GNL3L: variants seen among roughly 807,000 people sequenced by gnomAD.
GNL3L encodes the protein guanine nucleotide-binding protein-like 3-like protein.
Under a neutral mutation model 42.9 loss-of-function variants are expected in GNL3L, and 4 were observed. The ratio of observed to expected loss-of-function variants is 0.09; its 90% confidence interval spans 0.05 to 0.21. GNL3L has a LOEUF of 0.21. Among genes scored for constraint, GNL3L ranks in the 10% least tolerant of loss-of-function variants. The pLI, the probability that GNL3L is intolerant of heterozygous loss-of-function variation, is 1.00. For missense variants in GNL3L, 412 were observed against 481.7 expected (o/e 0.86, Z 1.36); for synonymous variants, 159 against 176.3 (o/e 0.90, Z 0.78).
intron 16 of GNL3L, among the ~76,000 whole-genome samples, chrX:54,585,985 A>G (rs970427379): frequency 2.7e-5 from 3 of 111,525 alleles, no homozygotes; most frequent in African/African-American, 9.8e-5. Flanking sequence ...GGGCTTCAAG[A>G]TGGCTGATTA....
intron 16 of GNL3L, among the ~76,000 whole-genome samples, chrX:54,604,657 CCAAAAACAAA>C (rs1027799994): frequency 1.8e-5 from 2 of 111,426 alleles, no homozygotes; most frequent in African/African-American, 3.3e-5. Context: ...AAAAACAAAA[CCAAAAACAAA>C]CAAAAACAAA....
At chrX:54,616,195 G>A (rs1926218429) in intron 16 of GNL3L, among the ~76,000 whole-genome samples, 1 of 113,081 alleles carries the variant, frequency 8.8e-6, no homozygotes, top group African/African-American at 3.2e-5. Flanking sequence ...GGCAGTGCCC[G>A]CCATATGGGC....
At chrX:54,541,533 A>T in intron 5 of GNL3L, 144 bp downstream of exon 5, 9 of 242,445 alleles carry the variant, frequency 3.7e-5, no homozygotes, top group East Asian at 1.2e-4. Flanking sequence ...GGACGGACGA[A>T]GGGAGGGAGG....
chrX:54,640,683 A>G, the GNL3L span, among the ~76,000 whole-genome samples: 1,484 of 112,334 alleles, frequency 0.013, 32 homozygotes, highest in African/African-American at 0.046. Context: ...CAGAATTACC[A>G]GGAAAATGTC....
rs969578223 is a variant in GNL3L, at chrX:54,563,105, A to G, written c.*2503A>G. The stretch of plus-strand genomic sequence containing the variant: ...AATAGGCTACAACTTATTTCACACT[A>G]TCTCATTGAACTCTCCTGGTATGTG... On this transcript the variant is annotated 3_prime_UTR_variant, in exon 16 of 16. Transcript: ENST00000360845. 1.8e-5 allele frequency among the ~76,000 whole-genome samples: 2 copies of G among 111,950 alleles called. No individual in the cohort carries two copies. Among genetic ancestry groups the G allele is most frequent in the African/African-American group, 3.2e-5 (1 of 30,819 alleles).
rs938329278 is a variant in GNL3L, at chrX:54,565,085, G to C, written c.*4483G>C. Among the ~76,000 whole-genome samples the C allele has an allele frequency of 8.1e-5, 9 of 111,292 alleles. No homozygotes were observed. Among genetic ancestry groups the C allele is most frequent in the African/African-American group, 2.9e-4 (9 of 30,609 alleles). On this transcript the variant is annotated 3_prime_UTR_variant, in exon 16 of 16. Coordinates refer to ENST00000360845, the MANE Select transcript of GNL3L (RefSeq NM_001184819.2). The stretch of plus-strand genomic sequence containing the variant: ...TTATATACATGAAATTATATGGTAT[G>C]TAGCATTTTGAGAGCGACTTCTTTT...
At chrX:54,641,205 T>C in the GNL3L span, among the ~76,000 whole-genome samples, 1 of 111,146 alleles carries the variant, frequency 9.0e-6, no homozygotes, top group Non-Finnish European at 1.9e-5. Flanking sequence ...CTTTTACCTT[T>C]TACTATCCTC....
chrX:54,552,498 C>G (rs1056156386), intron 13 of GNL3L, 70 bp downstream of exon 13: 2 of 995,705 alleles, frequency 2.0e-6, no homozygotes, highest in Admixed American at 2.4e-5. Flanking sequence ...CAGCAAATCC[C>G]ACTTTTGACC....
chrX:54,554,969 C>T (rs1325658297), intron 14 of GNL3L, among the ~76,000 whole-genome samples: 3 of 111,349 alleles, frequency 2.7e-5, no homozygotes, highest in East Asian at 5.6e-4. Context: ...ACGACTCTTT[C>T]TTCTCCCTAA....
chrX:54,622,477 G>T (rs1377196069), downstream of GNL3L, among the ~76,000 whole-genome samples: 1 of 107,431 alleles, frequency 9.3e-6, no homozygotes, highest in Admixed American at 1.0e-4. Context: ...TAGAGATGGG[G>T]TTTCACTATG....
chrX:54,606,980 T>TCTTTCCTTTC (rs1557200453), intron 16 of GNL3L, among the ~76,000 whole-genome samples: 1 of 84,203 alleles, frequency 1.2e-5, no homozygotes, highest in Admixed American at 1.2e-4. Flanking sequence ...GATTTTTCTT[T>TCTTTCCTTTC]CTTTCCTTTC....
At chrX:54,552,703 C>T (rs937184748) in intron 13 of GNL3L, among the ~76,000 whole-genome samples, 5 of 112,163 alleles carry the variant, frequency 4.5e-5, no homozygotes, top group African/African-American at 1.6e-4. Context: ...AAATGTGAAG[C>T]TCCATTCCTG....
intron 16 of GNL3L, among the ~76,000 whole-genome samples, chrX:54,612,016 G>A (rs1474851431): frequency 1.8e-5 from 2 of 111,780 alleles, no homozygotes; most frequent in African/African-American, 6.5e-5. Flanking sequence ...TGCTGTCAGT[G>A]GAATACTGAA....
chrX:54,598,364 A>G (rs1175939452), intron 16 of GNL3L, among the ~76,000 whole-genome samples: 4 of 111,630 alleles, frequency 3.6e-5, no homozygotes, highest in Admixed American at 2.9e-4. Flanking sequence ...ACTGGCACCA[A>G]TAGCTACAGC....
At chrX:54,602,054 C>G (rs1926010574) in intron 16 of GNL3L, among the ~76,000 whole-genome samples, 1 of 110,965 alleles carries the variant, frequency 9.0e-6, no homozygotes, top group African/African-American at 3.3e-5. Flanking sequence ...CATTTGTGTA[C>G]AGGCTTTTTA....
At chrX:54,573,960 A>G in intron 16 of GNL3L, among the ~76,000 whole-genome samples, 1 of 104,548 alleles carries the variant, frequency 9.6e-6, no homozygotes. Context: ...TGAACTTTTG[A>G]GCTTTGTTCT....
At chrX:54,626,572 A>G in the GNL3L span, among the ~76,000 whole-genome samples, 1 of 111,422 alleles carries the variant, frequency 9.0e-6, no homozygotes, top group Non-Finnish European at 1.9e-5. Context: ...TGGTAGTTCT[A>G]TTTTTAGTTT....
At chrX:54,621,491 TTTCCAGCTGAGCCC>T (rs1216223476) in exon 17 of GNL3L, among the ~76,000 whole-genome samples, 3 of 112,032 alleles carry the variant, frequency 2.7e-5, no homozygotes, top group African/African-American at 9.7e-5. Flanking sequence ...AAGAGAACAT[TTTCCAGCTGAGCCC>T]TTCCCAAATT....
Position 54,558,617 on chromosome X carries a change from C to T in GNL3L, c.1628C>T (p.Ser543Phe). 1.7e-6 allele frequency: 2 copies of T among 1,208,604 alleles called. No homozygotes were observed. Among genetic ancestry groups the T allele is most frequent in the Non-Finnish European group, 2.2e-6 (2 of 893,396 alleles). The change falls in exon 15 of 16, where the codon TCT (serine) becomes TTT (phenylalanine). Residue 543 changes from serine (S) to phenylalanine (F), a missense_variant. Physicochemically the swap from Ser to Phe is radical, Grantham distance 155. Transcript: ENST00000360845. ...CTGCAACAGGGCCAGGCTCTGGCAT[C>T]TGCCCTGAAAAATAAGAAGAAGATG... ...DPLQQGQALA[S>F]ALKNKKKMQK... is the part of the protein sequence containing the mutation.
Sources: allele counts gnomAD v4.1 joint callset (sites outside exome capture counted in the v4.1 genomes callset), GRCh38; gene constraint gnomAD v4.1.1; transcripts MANE v1.5; gene names NCBI Gene and HGNC (gene_info 2026-07-23, HGNC 2026-07-21).